Variants in PDZRN3 observed in about 807,000 individuals in gnomAD.
PDZRN3 encodes PDZ domain containing ring finger 3.
PDZRN3 carries 38 observed loss-of-function variants against 85.7 expected under a neutral mutation model. That is an observed-to-expected ratio of 0.44 (90% CI 0.34 to 0.58). The LOEUF is 0.58. Ranked by LOEUF, PDZRN3 falls within the 20% of genes least tolerant of loss-of-function variation. PDZRN3 has a pLI of 0.01. For missense variants in PDZRN3, 1,629 were observed against 1,506.4 expected (o/e 1.08, Z -1.35); for synonymous variants, 759 against 638.0 (o/e 1.19, Z -2.86).
chr3:73,623,242 C>T lies in PDZRN3; in HGVS notation c.723+861G>A, dbSNP rs113470442. ...CTCTCTCCCTGAAGCCTGACAAAAA[C>T]CTTTCGCACTGAGGGAAACTGAGGG... is the stretch of plus-strand genomic sequence containing the variant. On this transcript the variant is annotated intron_variant, in intron 1 of 9. Transcript: ENST00000263666. Among the ~76,000 whole-genome samples, 630 of 152,350 alleles carry T rather than the reference C, an allele frequency of 4.1e-3. 3 individuals are homozygous for T. The highest frequency in any genetic ancestry group is 0.014 in the African/African-American group (579 of 41,584).
At chr3:73,422,937 A>C (rs1702233310) in intron 3 of PDZRN3, among the ~76,000 whole-genome samples, 1 of 152,240 alleles carries the variant, frequency 6.6e-6, no homozygotes, top group African/African-American at 2.4e-5. Context: ...AAGCAAAGGA[A>C]ACAGAGGTAT....
chr3:73,384,431 T>A lies in PDZRN3; in HGVS notation c.2135A>T (p.Lys712Met). ...CATCCAGGACTCGCGGTACTGCTCC[T>A]TGAGCTGCTGCATCTTGTGGGCGCG... ...IVRAHKMQQL[K>M]EQYRESWMLH... The change falls in exon 10 of 10, where the codon AAG becomes ATG. Residue 712 changes from lysine to methionine, a missense_variant. By Grantham distance (95) the Lys-to-Met change is moderately conservative (BLOSUM62 -1). Coordinates refer to ENST00000263666, the MANE Select transcript of PDZRN3 (RefSeq NM_015009.3). 2 of 1,611,500 alleles carry A rather than the reference T, an allele frequency of 1.2e-6. No homozygotes were observed. Among genetic ancestry groups the A allele is most frequent in the South Asian group, 2.2e-5 (2 of 91,088 alleles).
At chr3:73,508,115 C>T (rs1319431081) in intron 3 of PDZRN3, among the ~76,000 whole-genome samples, 1 of 152,036 alleles carries the variant, frequency 6.6e-6, no homozygotes, top group Non-Finnish European at 1.5e-5. Context: ...CAGCTATTAC[C>T]AGCCCTGTTC....
At chr3:73,489,477 T>C (rs548002123) in intron 3 of PDZRN3, among the ~76,000 whole-genome samples, 1 of 151,812 alleles carries the variant, frequency 6.6e-6, no homozygotes, top group South Asian at 2.1e-4. Context: ...TAGTGTAAGA[T>C]AGTGAGAAGT....
intron 3 of PDZRN3, among the ~76,000 whole-genome samples, chr3:73,573,642 C>T (rs1702075059): frequency 6.6e-6 from 1 of 152,132 alleles, no homozygotes. Context: ...TTGCCAACGC[C>T]CGTTCTATGG....
chr3:73,492,091 AAGTTTCAACT>A (rs1270254470), intron 3 of PDZRN3, among the ~76,000 whole-genome samples: 1 of 152,208 alleles, frequency 6.6e-6, no homozygotes, highest in East Asian at 1.9e-4. Context: ...GCAGTGAAGA[AAGTTTCAACT>A]AGTGCTTCTC....
chr3:73,544,324 A>G (rs1001920666), intron 3 of PDZRN3, among the ~76,000 whole-genome samples: 1 of 152,222 alleles, frequency 6.6e-6, no homozygotes, highest in African/African-American at 2.4e-5. Context: ...ATGAGACCAT[A>G]TTATACACAG....
At chr3:73,620,599 C>T (rs56798886) in intron 1 of PDZRN3, among the ~76,000 whole-genome samples, 6,601 of 122,950 alleles carry the variant, frequency 0.054, 478 homozygotes, top group African/African-American at 0.18. Context: ...TTTTTTGAGA[C>T]GGAGTCTTGC....
intron 4 of PDZRN3, chr3:73,402,303 T>A (rs1470538263): frequency 1.3e-5 from 2 of 152,200 alleles, no homozygotes; most frequent in Admixed American, 1.3e-4. Flanking sequence ...GCTTCATCAA[T>A]AATGTGAGGC....
At chr3:73,578,511 C>T (rs770156173) in intron 3 of PDZRN3, among the ~76,000 whole-genome samples, 1 of 152,110 alleles carries the variant, frequency 6.6e-6, no homozygotes, top group South Asian at 2.1e-4. Flanking sequence ...TAACTGTTCC[C>T]GTTACATAGG....
intron 3 of PDZRN3, among the ~76,000 whole-genome samples, chr3:73,490,772 T>C (rs1415570995): frequency 6.6e-6 from 1 of 152,218 alleles, no homozygotes; most frequent in East Asian, 1.9e-4. Flanking sequence ...ACCCCATGCC[T>C]GCCTCCTGAG....
intron 3 of PDZRN3, among the ~76,000 whole-genome samples, chr3:73,448,421 T>C (rs375913762): frequency 2.6e-4 from 39 of 152,236 alleles, no homozygotes; most frequent in Admixed American, 1.4e-3. Flanking sequence ...GGGATGATGC[T>C]GAACCCTAGT....
At chr3:73,589,912 T>C (rs980449659) in intron 3 of PDZRN3, among the ~76,000 whole-genome samples, 3 of 152,116 alleles carry the variant, frequency 2.0e-5, no homozygotes, top group African/African-American at 7.2e-5. Flanking sequence ...TATAGAGTCA[T>C]ATATATTCAT....
At chr3:73,399,714 C>T (rs1701712087) in intron 5 of PDZRN3, among the ~76,000 whole-genome samples, 1 of 152,114 alleles carries the variant, frequency 6.6e-6, no homozygotes, top group African/African-American at 2.4e-5. Context: ...TGGCTGACAG[C>T]AAGCAGAAAC....
At chr3:73,451,258 A>G (rs1702855299) in intron 3 of PDZRN3, among the ~76,000 whole-genome samples, 1 of 152,178 alleles carries the variant, frequency 6.6e-6, no homozygotes, top group Admixed American at 6.5e-5. Flanking sequence ...CAAGCGCAGT[A>G]AAAAAATAAT....
chr3:73,386,911 A>AATCTCACCTTGAAT (rs1701406599), intron 8 of PDZRN3, among the ~76,000 whole-genome samples: 1 of 152,122 alleles, frequency 6.6e-6, no homozygotes, highest in Admixed American at 6.5e-5. Flanking sequence ...TCCCCACCCA[A>AATCTCACCTTGAAT]ATCTCACCTT....
intron 3 of PDZRN3, among the ~76,000 whole-genome samples, chr3:73,420,244 G>C (rs905742673): frequency 1.1e-4 from 16 of 152,218 alleles, no homozygotes; most frequent in Non-Finnish European, 2.2e-4. Context: ...TCGTAACTGG[G>C]TCCCATCCTC....
chr3:73,460,783 A>T (rs1391794294), intron 3 of PDZRN3, among the ~76,000 whole-genome samples: 2 of 151,980 alleles, frequency 1.3e-5, no homozygotes, highest in Non-Finnish European at 2.9e-5. Context: ...AAACACAGAG[A>T]TTTGTTTTTT....
At chr3:73,449,555 T>C (rs1034522734) in intron 3 of PDZRN3, among the ~76,000 whole-genome samples, 1 of 152,188 alleles carries the variant, frequency 6.6e-6, no homozygotes, top group African/African-American at 2.4e-5. Flanking sequence ...AATAATTATT[T>C]TGCTTCTTTC....
Sources: allele counts gnomAD v4.1 joint callset (sites outside exome capture counted in the v4.1 genomes callset), GRCh38; gene constraint gnomAD v4.1.1; transcripts MANE v1.5; gene names NCBI Gene and HGNC (gene_info 2026-07-23, HGNC 2026-07-21).